The following PSMD13 variants were observed in gnomAD, a reference collection of about 807,000 sequenced individuals.
The protein encoded by PSMD13 is proteasome 26S subunit, non-ATPase 13.
In PSMD13, 8 loss-of-function variants were observed where a neutral mutation model predicts 57.4. The observed-to-expected ratio is 0.14, with a 90% CI of 0.08 to 0.25. PSMD13 has a LOEUF of 0.25. PSMD13 is among the 10% of genes least tolerant of loss of function. PSMD13 has a pLI of 1.00. For synonymous variants in PSMD13, 193 were observed against 168.2 expected (o/e 1.15, Z -1.14); for missense variants, 400 against 461.5 (o/e 0.87, Z 1.22).
chr11:249,092 C>T (rs1482667312), intron 9 of PSMD13, 35 bp downstream of exon 9: 1 of 1,605,454 alleles, frequency 6.2e-7, no homozygotes, highest in Non-Finnish European at 8.5e-7. Context: ...CTTATTCCCC[C>T]ATGTATCTAC....
chr11:250,677 A>G, intron 9 of PSMD13, 126 bp from the exon 10 acceptor site: 1 of 760,292 alleles, frequency 1.3e-6, no homozygotes, highest in Non-Finnish European at 2.3e-6. Context: ...TGCAATGTGA[A>G]ATGTTTGGAT....
chr11:249,960 T>C (rs1486208590), intron 9 of PSMD13, among the ~76,000 whole-genome samples: 2 of 151,986 alleles, frequency 1.3e-5, no homozygotes, highest in Non-Finnish European at 2.9e-5. Context: ...CAGACCTAAC[T>C]GTGGTCTGAT....
rs576372611 is a variant in PSMD13 at position 249,161 on chromosome 11, G to A, written c.774+104G>A. On this transcript the variant is annotated intron_variant, in intron 9 of 12. Transcript: ENST00000532097. ...CCCTAGGCACACAGGAAAGAACAGG[G>A]CAAAGAGGAGACCAAGATAGGCTAG... The A allele has an allele frequency of 1.1e-5, 17 of 1,502,790 alleles. No homozygotes were observed. The Admixed American group carries it at 1.6e-4, about 14-fold the overall frequency. 93.1% of individuals were successfully genotyped at this position (1,502,790 alleles called of 1,614,324 possible). A position where few individuals can be genotyped will look rare whatever the true frequency, so the allele number is the denominator to read the frequency against.
chr11:242,068 C>T (rs1194965638), intron 2 of PSMD13, among the ~76,000 whole-genome samples: 2 of 152,016 alleles, frequency 1.3e-5, no homozygotes, highest in Non-Finnish European at 2.9e-5. Flanking sequence ...CCTTGAAACT[C>T]AGTATTGCCA....
At chr11:247,203 TG>T in intron 6 of PSMD13, 73 bp from the exon 7 acceptor site, 2 of 1,457,516 alleles carry the variant, frequency 1.4e-6, no homozygotes, top group Non-Finnish European at 1.8e-6. Flanking sequence ...GGCAACAGAG[TG>T]AGACCCTGTC....
rs151305149 is a variant in PSMD13 at position 248,826 on chromosome 11, G to A, written c.619G>A (p.Gly207Ser). 220 of 1,614,006 alleles carry A rather than the reference G, an allele frequency of 1.4e-4. No individual in the cohort carries two copies. Among genetic ancestry groups the A allele is most frequent in the Non-Finnish European group, 1.7e-4 (204 of 1,180,036 alleles). The change falls in exon 8 of 13, where the codon GGC becomes AGC. Residue 207 changes from glycine (G) to serine (S), a missense_variant. Physicochemically the swap from Gly to Ser is moderately conservative, Grantham distance 56 (BLOSUM62 0). Coordinates refer to ENST00000532097, the MANE Select transcript of PSMD13 (RefSeq NM_002817.4). The part of the protein sequence containing the change: ...AFTLGLAGLL[G>S]EGVFNFGELL... ...CACGCTGGGGCTAGCAGGACTTCTC[G>A]GCGAGGGAGTTTTTAACTTTGGAGA... is the stretch of plus-strand genomic sequence containing the variant.
At chr11:239,917 A>G (rs918162972) in intron 2 of PSMD13, among the ~76,000 whole-genome samples, 1 of 151,916 alleles carries the variant, frequency 6.6e-6, no homozygotes, top group Non-Finnish European at 1.5e-5. Flanking sequence ...TTACTTTTAT[A>G]TGCTCGCAAT....
At position 250,795 on chromosome 11, in the gene PSMD13, CT is replaced by C; in HGVS notation, c.775-5del. On this transcript the variant is annotated splice_region_variant and splice_polypyrimidine_tract_variant and intron_variant, in intron 9 of 12. Transcript: ENST00000532097. ...GAAGACATTTTTCTGTCTTTCTATA[CT>C]TTACAGCCTGATTTAGCAGCTAATG... 1.2e-6 allele frequency: 2 copies of C among 1,613,222 alleles called. No homozygotes were observed. Among genetic ancestry groups the C allele is most frequent in the Non-Finnish European group, 1.7e-6 (2 of 1,179,282 alleles).
intron 2 of PSMD13, among the ~76,000 whole-genome samples, 170 bp downstream of exon 2, chr11:239,246 A>G (rs1859464773): frequency 6.6e-6 from 1 of 152,252 alleles, no homozygotes; most frequent in South Asian, 2.1e-4. Context: ...GCTGGTCAGT[A>G]GATACTACTA....
intron 6 of PSMD13, 115 bp downstream of exon 6, chr11:244,876 G>C: frequency 1.3e-5 from 10 of 775,306 alleles, no homozygotes; most frequent in East Asian, 3.6e-5. Context: ...TTACATTACA[G>C]AAAAGTTGCA....
chr11:245,789 G>T (rs894462089), intron 6 of PSMD13, among the ~76,000 whole-genome samples: 5 of 150,232 alleles, frequency 3.3e-5, no homozygotes, highest in African/African-American at 1.2e-4. Context: ...GGGTTAAAGT[G>T]TTCATGTCCT....
intron 2 of PSMD13, among the ~76,000 whole-genome samples, chr11:242,730 C>T (rs536254575): frequency 6.6e-5 from 10 of 152,236 alleles, no homozygotes; most frequent in African/African-American, 2.4e-4. Flanking sequence ...AAATTAGAAG[C>T]CTCCATTCAG....
chr11:242,232 A>G (rs371597415), intron 2 of PSMD13, among the ~76,000 whole-genome samples: 1 of 146,046 alleles, frequency 6.8e-6, no homozygotes, highest in African/African-American at 2.6e-5. Flanking sequence ...AAGACACATC[A>G]TTTGTCTTAC....
rs1859757238 is a variant in PSMD13 at position 251,061 on chromosome 11, G to C, written c.837+196G>C. ...AAGTTTATATTTGGCTCTTAGCTCA[G>C]ACGACACCCTCCCACCCCACTGCCA... On this transcript the variant is annotated intron_variant, in intron 10 of 12. Transcript: ENST00000532097. This position sits in a 1 kb window ranked among gnomAD's most constrained non-coding sequence, Gnocchi z 4.6. 1.7e-6 allele frequency: 1 copy of C among 576,444 alleles called. No individual in the cohort carries two copies. The highest frequency in any genetic ancestry group is 3.0e-5 in the East Asian group (1 of 33,456). The allele number at this position is 576,444 out of a possible 1,614,324, so 35.7% of individuals were successfully genotyped here.
At position 239,059 on chromosome 11, in the gene PSMD13, G is replaced by A; in HGVS notation, c.157G>A (p.Gly53Arg). 1 of 1,613,986 alleles carries A rather than the reference G, an allele frequency of 6.2e-7. No homozygotes were observed. The highest frequency in any genetic ancestry group is 8.5e-7 in the Non-Finnish European group (1 of 1,179,880). ...DFVQDPCFAQGDGLIKLYENF... is the reference protein window; with the variant it reads ...DFVQDPCFAQRDGLIKLYENF... ...TGTGCAGGATCCGTGCTTTGCCCAA[G>A]GAGATGGTCTCATTAAGGTAAATAA... The change falls in exon 2 of 13, where the codon GGA becomes AGA. Residue 53 changes from glycine to arginine, a missense_variant. Transcript: ENST00000532097.
At chr11:248,693 C>T in intron 7 of PSMD13, 83 bp from the exon 8 acceptor site, 8 of 1,333,666 alleles carry the variant, frequency 6.0e-6, no homozygotes, top group Admixed American at 3.6e-5. Context: ...TGTTTTTTTA[C>T]TTTTTGTTAT....
At chr11:239,859 G>A (rs979815697) in intron 2 of PSMD13, among the ~76,000 whole-genome samples, 1 of 151,948 alleles carries the variant, frequency 6.6e-6, no homozygotes, top group African/African-American at 2.4e-5. Flanking sequence ...TACCAGCATT[G>A]CAACTGATAG....
chr11:238,204 T>G (rs1859412278), intron 1 of PSMD13, among the ~76,000 whole-genome samples: 1 of 152,222 alleles, frequency 6.6e-6, no homozygotes, highest in African/African-American at 2.4e-5. Flanking sequence ...TGAAGCTCAT[T>G]TTAATTGCCT....
At position 252,139 on chromosome 11, in the gene PSMD13, TATG is replaced by T. The variant is rs201194976; in HGVS notation, c.1035+208_1035+210del. 3.7e-3 allele frequency: 2,071 copies of T among 557,608 alleles called. 17 individuals are homozygous for T. Among genetic ancestry groups the T allele is most frequent in the African/African-American group, 0.023 (1,221 of 53,214 alleles). 34.5% of individuals were successfully genotyped at this position (557,608 alleles called of 1,614,324 possible). A position where few individuals can be genotyped will look rare whatever the true frequency, so the allele number is the denominator to read the frequency against. On this transcript the variant is annotated intron_variant, in intron 12 of 12. Transcript: ENST00000532097. This position sits in a 1 kb window ranked among gnomAD's most constrained non-coding sequence, Gnocchi z 4.1. ...GGTTTGAACCCTGCATTTAAAAGCT[TATG>T]ATGACAATGGCACTGGTTGTGCTGA...
Sources: allele counts gnomAD v4.1 joint callset (sites outside exome capture counted in the v4.1 genomes callset), GRCh38; gene constraint gnomAD v4.1.1; non-coding constraint Gnocchi (gnomAD v3.1); transcripts MANE v1.5; gene names NCBI Gene and HGNC (gene_info 2026-07-23, HGNC 2026-07-21).